Variants in PTPRT observed in about 807,000 individuals in gnomAD.
PTPRT encodes protein tyrosine phosphatase receptor type T, also known as receptor-type tyrosine-protein phosphatase T.
In PTPRT, 56 loss-of-function variants were observed where a neutral mutation model predicts 176.8. The observed-to-expected ratio is 0.32, with a 90% CI of 0.26 to 0.40. The LOEUF is 0.40. Among genes scored for constraint, PTPRT ranks in the 10% least tolerant of loss-of-function variants. The probability of loss-of-function intolerance (pLI) is 1.00; values close to 1 mark genes in which losing one functional copy is unlikely to be tolerated. For missense variants in PTPRT, 1,540 were observed against 1,908.2 expected (o/e 0.81, Z 3.60); for synonymous variants, 783 against 739.0 (o/e 1.06, Z -0.96).
At chr20:42,460,931 C>A (rs2071008183) in intron 8 of PTPRT, among the ~76,000 whole-genome samples, 1 of 152,156 alleles carries the variant, frequency 6.6e-6, no homozygotes, top group Admixed American at 6.5e-5. Flanking sequence ...AACTGTAATC[C>A]CAACATTTTG....
intron 6 of PTPRT, among the ~76,000 whole-genome samples, chr20:42,683,238 T>C (rs1348849004): frequency 2.2e-5 from 3 of 136,210 alleles, no homozygotes; most frequent in South Asian, 2.3e-4. Flanking sequence ...GTGCCATTTT[T>C]CCCAACTAGA....
intron 27 of PTPRT, among the ~76,000 whole-genome samples, chr20:42,091,109 C>T (rs1214578120): frequency 2.0e-5 from 3 of 152,064 alleles, no homozygotes; most frequent in Admixed American, 1.3e-4. Flanking sequence ...CATGCTTCTT[C>T]CAAAAAAACA....
chr20:42,185,667 G>T (rs548870908), intron 16 of PTPRT, among the ~76,000 whole-genome samples: 13 of 152,268 alleles, frequency 8.5e-5, no homozygotes, highest in African/African-American at 3.1e-4. Flanking sequence ...GATGTCAGTT[G>T]TACTGAGCTT....
At chr20:42,288,634 G>T (rs2147078444) in intron 12 of PTPRT, among the ~76,000 whole-genome samples, 1 of 151,966 alleles carries the variant, frequency 6.6e-6, no homozygotes, top group East Asian at 1.9e-4. Flanking sequence ...TTCTCTTTCT[G>T]CACTAATTTT....
At chr20:42,375,624 T>C (rs1428270292) in intron 9 of PTPRT, among the ~76,000 whole-genome samples, 4 of 152,142 alleles carry the variant, frequency 2.6e-5, no homozygotes, top group Non-Finnish European at 5.9e-5. Context: ...CTTTATTAAT[T>C]ACCCAGTCCA....
chr20:42,932,085 G>T (rs1350411473), intron 1 of PTPRT, among the ~76,000 whole-genome samples: 1 of 152,252 alleles, frequency 6.6e-6, no homozygotes, highest in East Asian at 1.9e-4. Context: ...GTCAGAGGGT[G>T]AGAAACAGAG....
chr20:42,279,041 C>G (rs1001723735), intron 13 of PTPRT, among the ~76,000 whole-genome samples: 1 of 152,028 alleles, frequency 6.6e-6, no homozygotes, highest in Non-Finnish European at 1.5e-5. Context: ...TTAAATTGCT[C>G]TTTTTTGCTC....
At chr20:42,210,177 C>A (rs2055585638) in intron 15 of PTPRT, among the ~76,000 whole-genome samples, 1 of 152,104 alleles carries the variant, frequency 6.6e-6, no homozygotes, top group Non-Finnish European at 1.5e-5. Context: ...TATGACAAAC[C>A]CACAGCCAAT....
At chr20:42,447,129 A>G (rs902274776) in intron 9 of PTPRT, among the ~76,000 whole-genome samples, 2 of 151,878 alleles carry the variant, frequency 1.3e-5, no homozygotes, top group African/African-American at 4.8e-5. Context: ...ACCTTTCCTT[A>G]TGGCAGCAAT....
At chr20:42,809,894 C>A (rs866921473) in intron 2 of PTPRT, among the ~76,000 whole-genome samples, 14 of 151,894 alleles carry the variant, frequency 9.2e-5, no homozygotes, top group South Asian at 6.2e-4. Flanking sequence ...AGGAATTACA[C>A]CTTGCACAAT....
the PTPRT span, among the ~76,000 whole-genome samples, chr20:42,040,251 G>A: frequency 2.6e-5 from 4 of 152,210 alleles, no homozygotes; most frequent in African/African-American, 9.6e-5. Flanking sequence ...TAGCCATGGA[G>A]ACAGGAGAAA....
intron 9 of PTPRT, among the ~76,000 whole-genome samples, chr20:42,363,290 ATATATATATATTTTTTTTTTTTTTT>A (rs1381374881): frequency 7.8e-5 from 2 of 25,666 alleles, no homozygotes; most frequent in African/African-American, 3.2e-4. Flanking sequence ...ATATATATAT[ATATATATATATTTTTTTTTTTTTTT>A]TTTTTTTTTT....
chr20:42,223,450 G>T (rs529848040), intron 15 of PTPRT, among the ~76,000 whole-genome samples: 1 of 152,280 alleles, frequency 6.6e-6, no homozygotes, highest in East Asian at 1.9e-4. Flanking sequence ...GCTGCTTCCA[G>T]GTGTTGCTTA....
intron 9 of PTPRT, among the ~76,000 whole-genome samples, chr20:42,378,682 C>T (rs867823168): frequency 6.6e-6 from 1 of 152,106 alleles, no homozygotes; most frequent in South Asian, 2.1e-4. Context: ...GGTTAAGATA[C>T]GGGCTCTAGG....
chr20:42,412,499 C>G lies in PTPRT; in HGVS notation c.1560+35721G>C, dbSNP rs567978788. On this transcript the variant is annotated intron_variant, in intron 9 of 30. Coordinates refer to ENST00000373187, the MANE Select transcript of PTPRT (RefSeq NM_007050.6). ...ACAACCACTTTGGAAAACAGTTAGG[C>G]AGCTTCTTATAAACTTATACTTTAC... is the stretch of plus-strand genomic sequence containing the variant. Among the ~76,000 whole-genome samples the G allele has an allele frequency of 1.3e-5, 2 of 152,306 alleles. 1 individual carries two copies. Among genetic ancestry groups the G allele is most frequent in the African/African-American group, 4.8e-5 (2 of 41,570 alleles).
At chr20:42,432,994 T>A (rs1276524011) in intron 9 of PTPRT, among the ~76,000 whole-genome samples, 1 of 152,174 alleles carries the variant, frequency 6.6e-6, no homozygotes, top group East Asian at 1.9e-4. Context: ...TTTTAAAAGA[T>A]TTTGCAAAGT....
chr20:42,318,878 A>C (rs1288022221), intron 11 of PTPRT, among the ~76,000 whole-genome samples: 1 of 152,172 alleles, frequency 6.6e-6, no homozygotes, highest in Non-Finnish European at 1.5e-5. Flanking sequence ...TCCAAGAATC[A>C]GTTCCTACTG....
chr20:42,663,562 C>A (rs1177899371), intron 7 of PTPRT, among the ~76,000 whole-genome samples: 2 of 152,082 alleles, frequency 1.3e-5, no homozygotes, highest in Non-Finnish European at 2.9e-5. Context: ...AGGCAGTGAA[C>A]AGGGGCTCAT....
In PTPRT at chr20:42,720,309, T is replaced by C. The variant is rs371567129; in HGVS notation, c.859+36153A>G. Among the ~76,000 whole-genome samples the C allele has an allele frequency of 3.5e-4, 53 of 152,272 alleles. No individual in the cohort carries two copies. The South Asian group carries it at 0.01, about 29-fold the overall frequency. ...TAAAAATCACTATTCCCATTTTACA[T>C]ATGTGAATACTGAGGCATGAAAATT... On this transcript the variant is annotated intron_variant, in intron 6 of 30. Transcript: ENST00000373187.
Sources: allele counts gnomAD v4.1 joint callset (sites outside exome capture counted in the v4.1 genomes callset), GRCh38; gene constraint gnomAD v4.1.1; transcripts MANE v1.5; gene names NCBI Gene and HGNC (gene_info 2026-07-23, HGNC 2026-07-21).